HPSE2: variants seen among roughly 807,000 people sequenced by gnomAD.
HPSE2 encodes the protein inactive heparanase-2.
A neutral mutation model predicts 60.5 loss-of-function variants in HPSE2; 38 were observed. The ratio of observed to expected loss-of-function variants is 0.63; its 90% CI spans 0.48 to 0.82. The LOEUF (loss-of-function observed/expected upper bound fraction) is 0.82. Among genes scored for constraint, HPSE2 ranks in the 40% least tolerant of loss-of-function variants. The pLI is 0.00. For synonymous variants in HPSE2, 295 were observed against 293.2 expected (o/e 1.01, Z -0.06); for missense variants, 713 against 740.4 (o/e 0.96, Z 0.43).
intron 3 of HPSE2, among the ~76,000 whole-genome samples, chr10:99,127,423 T>G (rs73331975): frequency 0.012 from 1,824 of 152,220 alleles, 37 homozygotes; most frequent in African/African-American, 0.041. Context: ...GCTTTCGAAT[T>G]AACCCAATCG....
intron 2 of HPSE2, among the ~76,000 whole-genome samples, chr10:99,159,322 G>T (rs1401134692): frequency 6.6e-6 from 1 of 152,054 alleles, no homozygotes; most frequent in African/African-American, 2.4e-5. Flanking sequence ...ATTTTCAAAA[G>T]GTTTCAAACA....
At chr10:99,021,611 CAAAG>C (rs1388919849) in intron 3 of HPSE2, among the ~76,000 whole-genome samples, 1 of 151,838 alleles carries the variant, frequency 6.6e-6, no homozygotes, top group African/African-American at 2.4e-5. Context: ...AAAGAGAAGA[CAAAG>C]TAAGGTGTTT....
At chr10:99,296,752 G>A in the HPSE2 span, among the ~76,000 whole-genome samples, 19 of 152,160 alleles carry the variant, frequency 1.2e-4, 1 homozygote, top group South Asian at 6.2e-4. Context: ...TATGGCAGTC[G>A]GAGATCTGGG....
At chr10:98,736,688 CT>C (rs1350398668) in intron 4 of HPSE2, among the ~76,000 whole-genome samples, 5 of 152,198 alleles carry the variant, frequency 3.3e-5, no homozygotes, top group Admixed American at 1.3e-4. Flanking sequence ...TCCTCCAGTT[CT>C]AGCATATAAG....
chr10:99,040,435 T>C (rs999669437), intron 3 of HPSE2, among the ~76,000 whole-genome samples: 1 of 152,192 alleles, frequency 6.6e-6, no homozygotes. Flanking sequence ...CCAATTTATA[T>C]TCTCACCAGT....
At chr10:98,539,060 T>A (rs986770971) in intron 9 of HPSE2, among the ~76,000 whole-genome samples, 1 of 152,178 alleles carries the variant, frequency 6.6e-6, no homozygotes, top group African/African-American at 2.4e-5. Context: ...TACTGACCCA[T>A]TACATAGGGG....
At chr10:99,130,855 T>C (rs1295190235) in intron 3 of HPSE2, among the ~76,000 whole-genome samples, 1 of 152,072 alleles carries the variant, frequency 6.6e-6, no homozygotes, top group Non-Finnish European at 1.5e-5. Flanking sequence ...TTCTTGGATG[T>C]GCTGGGAGTC....
intron 9 of HPSE2, among the ~76,000 whole-genome samples, chr10:98,560,000 G>A (rs975780479): frequency 2.0e-5 from 3 of 152,078 alleles, no homozygotes; most frequent in African/African-American, 4.8e-5. Flanking sequence ...AAGTTAGGGT[G>A]GAAAATAAGC....
intron 5 of HPSE2, among the ~76,000 whole-genome samples, chr10:98,710,607 G>A (rs778874536): frequency 1.3e-5 from 2 of 152,090 alleles, no homozygotes; most frequent in Non-Finnish European, 2.9e-5. Context: ...ACCATTTGCC[G>A]ACTGACAGGC....
chr10:98,904,489 T>A (rs1466137856), intron 3 of HPSE2, among the ~76,000 whole-genome samples: 1 of 152,196 alleles, frequency 6.6e-6, no homozygotes, highest in African/African-American at 2.4e-5. Context: ...ATTAATCACA[T>A]AAATTTTCTT....
intron 6 of HPSE2, among the ~76,000 whole-genome samples, chr10:98,679,380 C>T (rs116710755): frequency 0.013 from 2,054 of 152,252 alleles, 44 homozygotes; most frequent in African/African-American, 0.046. Flanking sequence ...CTCATGAGTG[C>T]ACAGCGGCAT....
chr10:98,521,727 AC>A (rs1942799364), intron 9 of HPSE2, among the ~76,000 whole-genome samples: 1 of 152,248 alleles, frequency 6.6e-6, no homozygotes, highest in Non-Finnish European at 1.5e-5. Context: ...AGGACTTGGA[AC>A]CAACCCAAAT....
chr10:98,860,435 A>T (rs1952429752), intron 3 of HPSE2, among the ~76,000 whole-genome samples: 1 of 152,294 alleles, frequency 6.6e-6, no homozygotes, highest in East Asian at 1.9e-4. Flanking sequence ...CCTCTCCCCG[A>T]CAAGAAAAAC....
the HPSE2 span, among the ~76,000 whole-genome samples, chr10:99,264,806 G>GT: frequency 9.2e-6 from 1 of 108,856 alleles, no homozygotes; most frequent in Admixed American, 9.3e-5. Context: ...CAACCCCACA[G>GT]TATCACCCCT....
intron 9 of HPSE2, among the ~76,000 whole-genome samples, chr10:98,598,555 G>A (rs914052152): frequency 5.5e-4 from 84 of 152,088 alleles, no homozygotes; most frequent in African/African-American, 2.0e-3. Flanking sequence ...TGCTGGGATG[G>A]GTCTGATACC....
chr10:98,723,000 T>C (rs932455237), intron 4 of HPSE2, among the ~76,000 whole-genome samples: 4 of 152,168 alleles, frequency 2.6e-5, no homozygotes, highest in African/African-American at 7.2e-5. Context: ...TCTAACACTA[T>C]GTTGAATAGG....
At chr10:98,723,928 C>T (rs185665437) in intron 4 of HPSE2, among the ~76,000 whole-genome samples, 21 of 152,054 alleles carry the variant, frequency 1.4e-4, no homozygotes, top group East Asian at 7.8e-4. Context: ...CCTGGATTCA[C>T]TGATTTTTTG....
chr10:98,646,078 C>T (rs776281249), intron 6 of HPSE2, among the ~76,000 whole-genome samples: 1 of 152,180 alleles, frequency 6.6e-6, no homozygotes, highest in East Asian at 1.9e-4. Flanking sequence ...ACTTACTGTA[C>T]TTACCCATTG....
rs564943464 is a variant in HPSE2 at position 99,127,333 on chromosome 10, T to A, written c.610+16905A>T. On this transcript the variant is annotated intron_variant, in intron 3 of 11. Transcript: ENST00000370552. ...CAACTTCTGGAAATGAAAGACACACTTAGAGAAATACAAAATGCACTGGAA... is the reference window on the plus strand; with the variant it reads ...CAACTTCTGGAAATGAAAGACACACATAGAGAAATACAAAATGCACTGGAA... Among the ~76,000 whole-genome samples, 11 of 152,146 alleles carry A rather than the reference T, an allele frequency of 7.2e-5. No homozygotes were observed. The South Asian group carries it at 2.3e-3, about 32-fold the overall frequency.
Sources: gnomAD v4.1 joint callset for allele counts (sites outside exome capture counted in the v4.1 genomes callset) on GRCh38, gnomAD v4.1.1 for gene constraint, MANE v1.5 for transcripts, NCBI Gene and HGNC (gene_info 2026-07-23, HGNC 2026-07-21) for gene names.